PPP2R5E: variants seen among roughly 807,000 people sequenced by gnomAD.
The protein encoded by PPP2R5E is protein phosphatase 2 regulatory subunit B'epsilon.
A neutral mutation model predicts 65.3 loss-of-function variants in PPP2R5E; 4 were observed. The ratio of observed to expected loss-of-function variants is 0.06; its 90% CI spans 0.03 to 0.14. PPP2R5E has a LOEUF of 0.14. Ranked by LOEUF, PPP2R5E falls within the 10% of genes least tolerant of loss-of-function variation. PPP2R5E has a pLI of 1.00. For synonymous variants in PPP2R5E, 183 were observed against 187.4 expected (o/e 0.98, Z 0.19); for missense variants, 274 against 556.1 (o/e 0.49, Z 5.10).
At chr14:63,376,167 T>C in intron 13 of PPP2R5E, 59 bp from the exon 14 acceptor site, 2 of 1,231,354 alleles carry the variant, frequency 1.6e-6, no homozygotes, top group South Asian at 1.3e-5. Flanking sequence ...TATGCAACAA[T>C]GAATATTTTA....
intron 2 of PPP2R5E, chr14:63,479,429 A>G (rs1890580775): frequency 6.6e-6 from 1 of 152,126 alleles, no homozygotes; most frequent in African/African-American, 2.4e-5. Context: ...AAAAAAAATA[A>G]ATAAAGCCAA....
intron 3 of PPP2R5E, among the ~76,000 whole-genome samples, chr14:63,434,335 C>G (rs1011123585): frequency 4.6e-5 from 7 of 152,296 alleles, no homozygotes; most frequent in Admixed American, 4.6e-4. Context: ...TCAGAATTAG[C>G]ACCAACTACA....
intron 2 of PPP2R5E, among the ~76,000 whole-genome samples, chr14:63,481,807 G>A (rs941875939): frequency 6.6e-6 from 1 of 152,122 alleles, no homozygotes; most frequent in African/African-American, 2.4e-5. Context: ...TATTTTTAAA[G>A]TATGAGAAGT....
At chr14:63,467,250 A>G (rs1038885144) in intron 2 of PPP2R5E, among the ~76,000 whole-genome samples, 1 of 150,794 alleles carries the variant, frequency 6.6e-6, no homozygotes, top group African/African-American at 2.5e-5. Context: ...AAACAAAAAA[A>G]ACACTATTTA....
chr14:63,525,649 A>T (rs1188580060), intron 2 of PPP2R5E, among the ~76,000 whole-genome samples: 2 of 152,164 alleles, frequency 1.3e-5, no homozygotes, highest in Non-Finnish European at 2.9e-5. Context: ...GAGACACAAA[A>T]TACTCCCTGG....
chr14:63,381,414 G>C (rs1884349986), intron 13 of PPP2R5E, among the ~76,000 whole-genome samples: 1 of 152,206 alleles, frequency 6.6e-6, no homozygotes, highest in South Asian at 2.1e-4. Flanking sequence ...CAGAGTGGGA[G>C]TGAATCCCAG....
At chr14:63,520,872 AAAAAAAAAAAAAAAC>A (rs1283485273) in intron 2 of PPP2R5E, among the ~76,000 whole-genome samples, 2 of 102,216 alleles carry the variant, frequency 2.0e-5, no homozygotes, top group African/African-American at 1.1e-4. Flanking sequence ...AAAAAAAAAA[AAAAAAAAAAAAAAAC>A]AATTAGCCGG....
At chr14:63,386,647 G>C (rs1884685808) in intron 11 of PPP2R5E, among the ~76,000 whole-genome samples, 3 of 152,178 alleles carry the variant, frequency 2.0e-5, no homozygotes, top group Non-Finnish European at 4.4e-5. Flanking sequence ...GTGGGGCTGG[G>C]TGTGGTGGCT....
intron 2 of PPP2R5E, among the ~76,000 whole-genome samples, chr14:63,514,704 G>C (rs562344981): frequency 2.6e-5 from 4 of 152,246 alleles, no homozygotes; most frequent in Admixed American, 2.6e-4. Flanking sequence ...ATCCTAGACA[G>C]CAAGAATACA....
At chr14:63,476,728 T>G (rs1456875185) in intron 2 of PPP2R5E, among the ~76,000 whole-genome samples, 1 of 152,178 alleles carries the variant, frequency 6.6e-6, no homozygotes, top group Non-Finnish European at 1.5e-5. Context: ...TGTTCTTCTA[T>G]CCTTAGATTT....
intron 2 of PPP2R5E, among the ~76,000 whole-genome samples, chr14:63,519,153 G>T (rs534689691): frequency 6.6e-6 from 1 of 152,200 alleles, no homozygotes; most frequent in South Asian, 2.1e-4. Flanking sequence ...GGCAGAGGTT[G>T]CAGTGAGCCA....
intron 11 of PPP2R5E, among the ~76,000 whole-genome samples, chr14:63,388,625 A>G (rs1483558320): frequency 6.6e-6 from 1 of 152,056 alleles, no homozygotes; most frequent in East Asian, 1.9e-4. Flanking sequence ...CATGATTTCT[A>G]TCTTCTTTTT....
chr14:63,540,702 G>A (rs1477089088), intron 1 of PPP2R5E, among the ~76,000 whole-genome samples: 1 of 147,782 alleles, frequency 6.8e-6, no homozygotes, highest in African/African-American at 2.5e-5. Context: ...AGCCTGGGCA[G>A]CAAGAGGAAA....
intron 2 of PPP2R5E, among the ~76,000 whole-genome samples, chr14:63,491,854 A>G (rs1285999983): frequency 1.3e-5 from 2 of 152,136 alleles, no homozygotes; most frequent in Non-Finnish European, 2.9e-5. Context: ...TCTCAAAAAA[A>G]TTAATTAATT....
rs141020539 is a variant in PPP2R5E, at chr14:63,477,222, A to G, written c.158-23337T>C. 9.6e-3 allele frequency among the ~76,000 whole-genome samples: 1,458 copies of G among 152,280 alleles called. 29 individuals carry two copies. Among genetic ancestry groups the G allele is most frequent in the African/African-American group, 0.034 (1,403 of 41,576 alleles). ...ACTACACCTACTATACATCTGCCTCAGCCAAACTCAATAGACCATCTAAAA... is the reference window on the plus strand; with the variant it reads ...ACTACACCTACTATACATCTGCCTCGGCCAAACTCAATAGACCATCTAAAA... On this transcript the variant is annotated intron_variant, in intron 2 of 13. Transcript: ENST00000337537.
At chr14:63,421,948 G>T in intron 4 of PPP2R5E, 45 bp downstream of exon 4, 1 of 1,435,272 alleles carries the variant, frequency 7.0e-7, no homozygotes, top group South Asian at 1.2e-5. Context: ...ATCAGCTAAT[G>T]AGTTAATGGA....
At chr14:63,471,507 A>G (rs1441773102) in intron 2 of PPP2R5E, among the ~76,000 whole-genome samples, 1 of 152,210 alleles carries the variant, frequency 6.6e-6, no homozygotes, top group Non-Finnish European at 1.5e-5. Context: ...CTTCCCAGTC[A>G]TATCATGTAT....
chr14:63,464,686 C>T (rs1484999448), intron 2 of PPP2R5E, among the ~76,000 whole-genome samples: 1 of 152,170 alleles, frequency 6.6e-6, no homozygotes, highest in Non-Finnish European at 1.5e-5. Context: ...GGACAAGCCA[C>T]TTACTTCTCT....
chr14:63,523,065 GC>G (rs1343984642), intron 2 of PPP2R5E, among the ~76,000 whole-genome samples: 6 of 145,648 alleles, frequency 4.1e-5, no homozygotes, highest in African/African-American at 1.3e-4. Context: ...CCGGCCAGCC[GC>G]CCCGTCCGGG....
Sources: allele counts gnomAD v4.1 joint callset (sites outside exome capture counted in the v4.1 genomes callset), GRCh38; gene constraint gnomAD v4.1.1; transcripts MANE v1.5; gene names NCBI Gene and HGNC (gene_info 2026-07-23, HGNC 2026-07-21).